The following RAPGEF2 variants were observed in gnomAD, a reference collection of about 807,000 sequenced individuals.
RAPGEF2 encodes PDZ domain containing guanine nucleotide exchange factor (GEF) 1.
In RAPGEF2, 54 loss-of-function variants were observed where a neutral mutation model predicts 186.7. That is an observed-to-expected ratio of 0.29 (90% CI 0.23 to 0.36). RAPGEF2 has a LOEUF of 0.36. RAPGEF2 is among the 10% of genes least tolerant of loss of function. The pLI is 1.00. For synonymous variants in RAPGEF2, 712 were observed against 705.9 expected (o/e 1.01, Z -0.14); for missense variants, 1,532 against 2,045.0 (o/e 0.75, Z 4.84).
chr4:159,227,685 G>A (rs1752187087), intron 4 of RAPGEF2, among the ~76,000 whole-genome samples: 1 of 152,166 alleles, frequency 6.6e-6, no homozygotes, highest in African/African-American at 2.4e-5. Context: ...ACTGATCTTT[G>A]CTGGTTTAGA....
intron 1 of RAPGEF2, among the ~76,000 whole-genome samples, chr4:159,160,340 C>T (rs930239906): frequency 6.6e-6 from 1 of 152,188 alleles, no homozygotes; most frequent in Admixed American, 6.5e-5. Flanking sequence ...TCTCCCAACC[C>T]AGTGAAGAAC....
At chr4:159,315,675 G>A (rs542048428) in intron 9 of RAPGEF2, among the ~76,000 whole-genome samples, 61 of 152,322 alleles carry the variant, frequency 4.0e-4, no homozygotes, top group African/African-American at 1.4e-3. Flanking sequence ...CTTGGGTCAC[G>A]TGTCCACTGG....
chr4:159,111,552 T>TA (rs1476872081), intron 1 of RAPGEF2, among the ~76,000 whole-genome samples: 1 of 152,174 alleles, frequency 6.6e-6, no homozygotes, highest in African/African-American at 2.4e-5. Context: ...AGAAGAAAGG[T>TA]AGAGAACACT....
chr4:159,190,541 G>A (rs1439993368), intron 2 of RAPGEF2, among the ~76,000 whole-genome samples: 1 of 152,212 alleles, frequency 6.6e-6, no homozygotes, highest in Non-Finnish European at 1.5e-5. Flanking sequence ...TACTGTATTA[G>A]TCTGTTCTCA....
chr4:159,217,096 A>G (rs1211466267), intron 4 of RAPGEF2, among the ~76,000 whole-genome samples: 1 of 152,084 alleles, frequency 6.6e-6, no homozygotes, highest in South Asian at 2.1e-4. Context: ...AGGTAAAACA[A>G]TGGATGAGTG....
intron 3 of RAPGEF2, among the ~76,000 whole-genome samples, chr4:159,194,160 A>G (rs1196746616): frequency 6.6e-6 from 1 of 152,218 alleles, no homozygotes; most frequent in Non-Finnish European, 1.5e-5. Flanking sequence ...CTTTTTAGGC[A>G]GAAGGAACAG....
intron 1 of RAPGEF2, among the ~76,000 whole-genome samples, chr4:159,137,176 AAC>A (rs1741806305): frequency 6.6e-6 from 1 of 152,226 alleles, no homozygotes; most frequent in South Asian, 2.1e-4. Flanking sequence ...GGGCTGCCAT[AAC>A]CAAATACCAT....
At chr4:159,263,753 A>G (rs1041876003) in intron 7 of RAPGEF2, among the ~76,000 whole-genome samples, 6 of 152,186 alleles carry the variant, frequency 3.9e-5, no homozygotes, top group Non-Finnish European at 8.8e-5. Context: ...TCTAAGTGTG[A>G]TTAATCATTA....
At chr4:159,220,807 T>C (rs1241625339) in intron 4 of RAPGEF2, among the ~76,000 whole-genome samples, 1 of 152,236 alleles carries the variant, frequency 6.6e-6, no homozygotes, top group Non-Finnish European at 1.5e-5. Flanking sequence ...ACAGCAGGCA[T>C]TTAATAAATG....
intron 4 of RAPGEF2, among the ~76,000 whole-genome samples, chr4:159,212,869 TA>T (rs1750659886): frequency 6.6e-6 from 1 of 152,200 alleles, no homozygotes; most frequent in Non-Finnish European, 1.5e-5. Flanking sequence ...CATTATCAAG[TA>T]GTCAAGTAAC....
intron 7 of RAPGEF2, among the ~76,000 whole-genome samples, chr4:159,272,881 C>T (rs997285808): frequency 6.6e-6 from 1 of 152,258 alleles, no homozygotes; most frequent in South Asian, 2.1e-4. Context: ...GGAGTGTAAC[C>T]TCTTTCTTCA....
intron 1 of RAPGEF2, among the ~76,000 whole-genome samples, chr4:159,107,851 T>G (rs1465788818): frequency 6.6e-6 from 1 of 152,242 alleles, no homozygotes. Flanking sequence ...CTGTTATAGT[T>G]AAATTTTCCA....
intron 5 of RAPGEF2, among the ~76,000 whole-genome samples, chr4:159,240,833 T>C (rs1753899887): frequency 6.6e-6 from 1 of 151,226 alleles, no homozygotes; most frequent in Non-Finnish European, 1.5e-5. Flanking sequence ...TTTTCTTTTT[T>C]CTACGTTGCT....
intron 7 of RAPGEF2, among the ~76,000 whole-genome samples, chr4:159,250,210 G>A (rs1579605364): frequency 1.3e-5 from 2 of 151,904 alleles, no homozygotes; most frequent in South Asian, 4.2e-4. Context: ...CAACATATAT[G>A]GTGCAGTGTG....
intron 2 of RAPGEF2, among the ~76,000 whole-genome samples, chr4:159,191,648 A>C (rs1328156344): frequency 6.6e-6 from 1 of 152,144 alleles, no homozygotes; most frequent in African/African-American, 2.4e-5. Context: ...CTGAGGCAGG[A>C]GAATTGCTTG....
At chr4:159,316,333 T>C (rs1331478787) in intron 9 of RAPGEF2, among the ~76,000 whole-genome samples, 3 of 152,222 alleles carry the variant, frequency 2.0e-5, no homozygotes, top group African/African-American at 7.2e-5. Flanking sequence ...ATAACCTAGA[T>C]CTAGTATAAC....
At chr4:159,118,977 T>G (rs187927457) in intron 1 of RAPGEF2, among the ~76,000 whole-genome samples, 2 of 152,364 alleles carry the variant, frequency 1.3e-5, no homozygotes, top group Admixed American at 1.3e-4. Context: ...TATTCATTAC[T>G]CTTTTACTTT....
intron 4 of RAPGEF2, among the ~76,000 whole-genome samples, chr4:159,215,349 T>C (rs1235406960): frequency 6.6e-6 from 1 of 150,986 alleles, no homozygotes; most frequent in Non-Finnish European, 1.5e-5. Context: ...ATCTGAAAAA[T>C]ATTTTGGGGG....
At chr4:159,251,758 C>G (rs1014078208) in intron 7 of RAPGEF2, among the ~76,000 whole-genome samples, 1 of 150,880 alleles carries the variant, frequency 6.6e-6, no homozygotes, top group African/African-American at 2.5e-5. Context: ...AATCAGCTGT[C>G]TGTAAAATGG....
Sources: allele counts gnomAD v4.1 joint callset (sites outside exome capture counted in the v4.1 genomes callset), GRCh38; gene constraint gnomAD v4.1.1; transcripts MANE v1.5; gene names NCBI Gene and HGNC (gene_info 2026-07-23, HGNC 2026-07-21).